Variants in VPS13A observed in about 807,000 individuals in gnomAD.
VPS13A encodes vacuolar protein sorting 13 homolog A, also known as intermembrane lipid transfer protein VPS13A.
In VPS13A, 264 loss-of-function variants were observed where a neutral mutation model predicts 390.9. The observed-to-expected ratio is 0.68, with a 90% confidence interval of 0.61 to 0.75. The LOEUF is 0.75. Among genes scored for constraint, VPS13A ranks in the 30% least tolerant of loss-of-function variants. The pLI is 0.00. For synonymous variants in VPS13A, 1,231 were observed against 1,227.1 expected (o/e 1.00, Z -0.07); for missense variants, 3,409 against 3,733.9 (o/e 0.91, Z 2.27).
Position 77,416,113 on chromosome 9 carries a change from G to T in VPS13A, c.*107G>T. 1 of 1,318,338 alleles carries T rather than the reference G, an allele frequency of 7.6e-7. No individual in the cohort carries two copies. The highest frequency in any genetic ancestry group is 1.5e-5 in the African/African-American group (1 of 67,760). 81.7% of individuals were successfully genotyped at this position (1,318,338 alleles called of 1,614,324 possible). Reference sequence around the variant, plus strand: ...TTACAGAAATGATTTCAAGTACCCTGTATTCTGGATGCTAAAAAACAAAAA... The same window carrying T: ...TTACAGAAATGATTTCAAGTACCCTTTATTCTGGATGCTAAAAAACAAAAA... On this transcript the variant is annotated 3_prime_UTR_variant, in exon 72 of 72. Coordinates refer to ENST00000360280, the MANE Select transcript of VPS13A (RefSeq NM_033305.3).
chr9:77,179,354 C>T (rs969884167), intron 1 of VPS13A, among the ~76,000 whole-genome samples: 2 of 152,208 alleles, frequency 1.3e-5, no homozygotes, highest in Non-Finnish European at 1.5e-5. Context: ...CCCGAATTCT[C>T]TCAGCTGCTC....
At chr9:77,226,057 A>G (rs772666512) in intron 14 of VPS13A, 69 bp downstream of exon 14, 1 of 1,387,094 alleles carries the variant, frequency 7.2e-7, no homozygotes, top group Non-Finnish European at 1.0e-6. Context: ...ATGTGATATT[A>G]TTAATCTTAT....
At chr9:77,382,679 G>T in intron 68 of VPS13A, 1 of 992,368 alleles carries the variant, frequency 1.0e-6, no homozygotes, top group Non-Finnish European at 1.2e-6. Context: ...ATTACTCTTG[G>T]ATTCTTGTGC....
intron 1 of VPS13A, among the ~76,000 whole-genome samples, chr9:77,180,688 G>A (rs962187316): frequency 6.6e-6 from 1 of 152,092 alleles, no homozygotes; most frequent in African/African-American, 2.4e-5. Context: ...TAAGAAAGAG[G>A]ATCCTTTCTC....
chr9:77,265,412 A>C (rs941734812), intron 23 of VPS13A, among the ~76,000 whole-genome samples: 1 of 152,098 alleles, frequency 6.6e-6, no homozygotes, highest in African/African-American at 2.4e-5. Flanking sequence ...TTCGGCTTTG[A>C]ATCTATCTGG....
intron 68 of VPS13A, among the ~76,000 whole-genome samples, chr9:77,393,100 A>G (rs190387987): frequency 1.3e-5 from 2 of 152,350 alleles, no homozygotes; most frequent in South Asian, 2.1e-4. Context: ...AGTTATTTTT[A>G]TGGAATAATC....
chr9:77,187,610 CA>C (rs1824418274), intron 1 of VPS13A, among the ~76,000 whole-genome samples: 1 of 60,572 alleles, frequency 1.7e-5, no homozygotes, highest in East Asian at 7.6e-4. Context: ...TACAAACATA[CA>C]CACACACACA....
intron 22 of VPS13A, among the ~76,000 whole-genome samples, chr9:77,259,784 G>A (rs1196393531): frequency 6.6e-6 from 1 of 152,150 alleles, no homozygotes; most frequent in Non-Finnish European, 1.5e-5. Context: ...TTACAATAAT[G>A]CATGTAAAGT....
intron 10 of VPS13A, among the ~76,000 whole-genome samples, chr9:77,217,057 A>G (rs757961332): frequency 2.0e-5 from 3 of 152,142 alleles, no homozygotes; most frequent in Non-Finnish European, 4.4e-5. Context: ...ACACCCAGGA[A>G]CAGAAGTTGC....
At chr9:77,355,802 C>G (rs904728620) in intron 54 of VPS13A, among the ~76,000 whole-genome samples, 4 of 152,184 alleles carry the variant, frequency 2.6e-5, no homozygotes, top group Non-Finnish European at 4.4e-5. Context: ...AAGATCTGTG[C>G]TGGTTCTACC....
intron 46 of VPS13A, among the ~76,000 whole-genome samples, chr9:77,333,267 C>T (rs1042004435): frequency 6.6e-6 from 1 of 151,986 alleles, no homozygotes; most frequent in Non-Finnish European, 1.5e-5. Flanking sequence ...TACCTTTATA[C>T]TTTTTCCAAG....
At chr9:77,297,230 T>A (rs1272164720) in intron 33 of VPS13A, among the ~76,000 whole-genome samples, 1 of 152,172 alleles carries the variant, frequency 6.6e-6, no homozygotes. Context: ...TCTTTTCTAA[T>A]ATATGACGTG....
At chr9:77,272,198 G>T (rs567813661) in intron 23 of VPS13A, among the ~76,000 whole-genome samples, 3 of 152,168 alleles carry the variant, frequency 2.0e-5, no homozygotes, top group African/African-American at 7.2e-5. Flanking sequence ...CATGGCCAAT[G>T]AGACTGATAT....
At chr9:77,317,049 A>AT (rs1255729759) in intron 39 of VPS13A, among the ~76,000 whole-genome samples, 11 of 151,902 alleles carry the variant, frequency 7.2e-5, no homozygotes, top group African/African-American at 2.7e-4. Context: ...GTTTCTTTGT[A>AT]TTTTTTTCCT....
intron 22 of VPS13A, among the ~76,000 whole-genome samples, chr9:77,252,734 C>T (rs574930076): frequency 4.1e-4 from 62 of 152,284 alleles, no homozygotes; most frequent in African/African-American, 1.4e-3. Flanking sequence ...TAAGTGGAAT[C>T]ATAGAAAATC....
intron 22 of VPS13A, among the ~76,000 whole-genome samples, chr9:77,258,737 G>A (rs777118935): frequency 5.5e-4 from 84 of 151,902 alleles, no homozygotes; most frequent in Non-Finnish European, 9.7e-4. Flanking sequence ...ACTGTTTCTT[G>A]TAAAGTTTTT....
chr9:77,226,625 G>A, intron 15 of VPS13A, 27 bp downstream of exon 15: 1 of 1,602,310 alleles, frequency 6.2e-7, no homozygotes, highest in Non-Finnish European at 8.5e-7. Context: ...TTACAGCATA[G>A]TTAATCACTG....
intron 54 of VPS13A, among the ~76,000 whole-genome samples, chr9:77,356,307 T>C (rs932155180): frequency 3.9e-5 from 6 of 152,182 alleles, no homozygotes; most frequent in East Asian, 1.9e-4. Context: ...GAATCCCCCA[T>C]TGACCACTCT....
intron 1 of VPS13A, among the ~76,000 whole-genome samples, chr9:77,195,563 C>T (rs1824945536): frequency 6.6e-6 from 1 of 152,042 alleles, no homozygotes; most frequent in South Asian, 2.1e-4. Flanking sequence ...ATGACAAAAC[C>T]CCGTCTCTAC....
Sources: gnomAD v4.1 joint callset for allele counts (sites outside exome capture counted in the v4.1 genomes callset) on GRCh38, gnomAD v4.1.1 for gene constraint, MANE v1.5 for transcripts, NCBI Gene and HGNC (gene_info 2026-07-23, HGNC 2026-07-21) for gene names.